Variants in FAT4 observed in about 807,000 individuals in gnomAD.
FAT4 encodes the protein protocadherin Fat 4.
In FAT4, 84 loss-of-function variants were observed where a neutral mutation model predicts 303.9. That is an observed-to-expected ratio of 0.28 (90% CI 0.23 to 0.33). The LOEUF is 0.33. FAT4 is among the 10% of genes least tolerant of loss of function. The probability of loss-of-function intolerance (pLI) is 1.00; values close to 1 mark genes in which losing one functional copy is unlikely to be tolerated. For missense variants in FAT4, 6,005 were observed against 6,146.8 expected (o/e 0.98, Z 0.77); for synonymous variants, 2,307 against 2,298.8 (o/e 1.00, Z -0.10).
chr4:125,355,605 G>C lies in FAT4; in HGVS notation c.5175+34019G>C, dbSNP rs76445287. 2.7e-3 allele frequency among the ~76,000 whole-genome samples: 404 copies of C among 152,152 alleles called. 3 individuals carry two copies. The highest frequency in any genetic ancestry group is 8.8e-3 in the African/African-American group (364 of 41,540). ...TATGTTTGGGGTTTTGTAAAGATTA[G>C]AGAATGTAATTTATGCATGGTACAC... On this transcript the variant is annotated intron_variant, in intron 2 of 17. Transcript: ENST00000394329.
chr4:125,344,244 C>G (rs1216419047), intron 2 of FAT4, among the ~76,000 whole-genome samples: 1 of 152,118 alleles, frequency 6.6e-6, no homozygotes. Flanking sequence ...CTTGATTCCC[C>G]TTTTCTGTGG....
intron 3 of FAT4, among the ~76,000 whole-genome samples, chr4:125,402,325 G>GT (rs1466066195): frequency 1.3e-5 from 2 of 151,832 alleles, no homozygotes; most frequent in Non-Finnish European, 2.9e-5. Flanking sequence ...TGAATTGAAT[G>GT]TAGCTACTTC....
chr4:125,324,241 C>T (rs1401596388), intron 2 of FAT4, among the ~76,000 whole-genome samples: 1 of 151,956 alleles, frequency 6.6e-6, no homozygotes, highest in Non-Finnish European at 1.5e-5. Flanking sequence ...TCTAGGTTCA[C>T]CAAAAAATAG....
Position 125,455,802 on chromosome 4 carries a change from G to T in FAT4, c.11800+2992G>T, listed in dbSNP as rs1427163959. ...TATTAATACTTAATCCTCACAGAAA[G>T]CCTATAAGACAGTGTATTGTCTGAG... On this transcript the variant is annotated intron_variant, in intron 10 of 17. Transcript: ENST00000394329. Among the ~76,000 whole-genome samples, 4 of 152,286 alleles carry T rather than the reference G, an allele frequency of 2.6e-5. No individual in the cohort carries two copies. In the East Asian group the frequency reaches 7.7e-4, roughly 29 times the overall value.
chr4:125,365,758 C>T lies in FAT4; in HGVS notation c.5176-33026C>T, dbSNP rs140900454. On this transcript the variant is annotated intron_variant, in intron 2 of 17. Transcript: ENST00000394329. ...CTAAAACTAGTATGGGAAACAGAAA[C>T]GCCTTGAATATAACTAAATTAGAAT... Among the ~76,000 whole-genome samples the T allele has an allele frequency of 3.9e-3, 597 of 152,230 alleles. 5 individuals are homozygous for T. The highest frequency in any genetic ancestry group is 0.014 in the African/African-American group (569 of 41,534).
rs777422356 is a variant in FAT4, at chr4:125,317,995, T to A, written c.1584T>A (p.His528Gln). 63 of 1,614,048 alleles carry A rather than the reference T, an allele frequency of 3.9e-5. No homozygotes were observed. Among genetic ancestry groups the A allele is most frequent in the Non-Finnish European group, 5.1e-5 (60 of 1,180,040 alleles). Residue 528 changes from histidine (H) to glutamine (Q), a missense_variant, in exon 2 of 18, where the codon CAT (histidine) becomes CAA (glutamine). His to Gln is a conservative substitution (Grantham distance 24). Coordinates refer to ENST00000394329, the MANE Select transcript of FAT4 (RefSeq NM_001291303.3). This position sits in a 1 kb window ranked among gnomAD's most constrained non-coding sequence, Gnocchi z 7.0. ...TGGGATGGTTCCATATCAGTGAACA[T>A]AGCGGCCTCGTGACCACTGGGTCCT... ...NGLGWFHISE[H>Q]SGLVTTGSSG...
intron 14 of FAT4, among the ~76,000 whole-genome samples, chr4:125,477,893 AT>A (rs1343907721): frequency 6.6e-6 from 1 of 152,140 alleles, no homozygotes; most frequent in Non-Finnish European, 1.5e-5. Context: ...TTTGTTCATT[AT>A]CGAAGTTTGA....
chr4:125,435,360 G>A (rs1431289774), intron 8 of FAT4, among the ~76,000 whole-genome samples: 1 of 152,084 alleles, frequency 6.6e-6, no homozygotes, highest in Non-Finnish European at 1.5e-5. Context: ...TCTATAGGCT[G>A]GTATTAGGTA....
intron 15 of FAT4, among the ~76,000 whole-genome samples, chr4:125,480,412 A>G (rs1277694659): frequency 1.3e-5 from 2 of 152,108 alleles, no homozygotes; most frequent in African/African-American, 2.4e-5. Context: ...TAATGTTATT[A>G]TTTAGACATT....
chr4:125,380,476 A>G (rs1733498233), intron 2 of FAT4, among the ~76,000 whole-genome samples: 1 of 152,218 alleles, frequency 6.6e-6, no homozygotes, highest in Non-Finnish European at 1.5e-5. Context: ...TATGTAATCC[A>G]TACAATATTA....
chr4:125,464,073 T>C (rs1379482180), intron 11 of FAT4, among the ~76,000 whole-genome samples: 2 of 152,162 alleles, frequency 1.3e-5, no homozygotes, highest in Non-Finnish European at 2.9e-5. Context: ...TTTTGCTTTA[T>C]TTTTTATTTT....
intron 5 of FAT4, among the ~76,000 whole-genome samples, chr4:125,411,955 C>T (rs1234146653): frequency 6.6e-6 from 1 of 151,374 alleles, no homozygotes; most frequent in African/African-American, 2.4e-5. Flanking sequence ...ACATTGAACA[C>T]AAATGGTTCA....
At position 125,452,263 on chromosome 4, in the gene FAT4, A is replaced by G; in HGVS notation, c.11253A>G (p.Gln3751=). ...SQLTGLGTAV[Q]LYSAYEENNR... is the part of the protein sequence containing the mutation. ...TGACAGGCTTAGGGACTGCTGTGCA[A>G]CTGTACAGTGCATATGAAGAGAACA... The change falls in exon 10 of 18, where the codon CAA becomes CAG. Residue 3751 remains glutamine, a synonymous_variant. Transcript: ENST00000394329. 1 of 1,614,236 alleles carries G rather than the reference A, an allele frequency of 6.2e-7. No homozygotes were observed. Among genetic ancestry groups the G allele is most frequent in the Non-Finnish European group, 8.5e-7 (1 of 1,180,038 alleles).
chr4:125,438,269 T>C (rs369408579), intron 8 of FAT4, among the ~76,000 whole-genome samples: 1 of 152,196 alleles, frequency 6.6e-6, no homozygotes, highest in African/African-American at 2.4e-5. Flanking sequence ...ATAAAGTAAA[T>C]GCTGTGATGA....
At position 125,476,099 on chromosome 4, in the gene FAT4, G is replaced by A. The variant is rs35472819; in HGVS notation, c.12214-72G>A. Reference sequence around the variant, plus strand: ...ATGTTCACATAGAAGCAAGTCATGGGTAGTGTTGGCTGGAAAGGCTAATAG... The same window carrying A: ...ATGTTCACATAGAAGCAAGTCATGGATAGTGTTGGCTGGAAAGGCTAATAG... On this transcript the variant is annotated intron_variant, in intron 12 of 17. Transcript: ENST00000394329. 0.025 allele frequency: 19,772 copies of A among 777,506 alleles called. 464 individuals are homozygous for A. Among genetic ancestry groups the A allele is most frequent in the Non-Finnish European group, 0.027 (12,692 of 464,174 alleles). The allele number at this position is 777,506 out of a possible 1,614,324, so 48.2% of individuals were successfully genotyped here. A position where few individuals can be genotyped will look rare whatever the true frequency, so the allele number is the denominator to read the frequency against.
intron 8 of FAT4, among the ~76,000 whole-genome samples, chr4:125,445,662 C>G (rs550899568): frequency 6.6e-6 from 1 of 151,958 alleles, no homozygotes; most frequent in Admixed American, 6.6e-5. Flanking sequence ...AACTCTTGCC[C>G]GTTAACCTAT....
intron 2 of FAT4, among the ~76,000 whole-genome samples, chr4:125,394,356 A>G (rs932466643): frequency 3.3e-5 from 5 of 152,222 alleles, no homozygotes; most frequent in Non-Finnish European, 5.9e-5. Context: ...TTTTACCTCC[A>G]GTCTAAACAA....
chr4:125,356,862 A>T (rs951422164), intron 2 of FAT4, among the ~76,000 whole-genome samples: 2 of 151,510 alleles, frequency 1.3e-5, no homozygotes, highest in Non-Finnish European at 2.9e-5. Context: ...CAATAGATAC[A>T]GACTATAAGT....
chr4:125,339,838 G>C (rs1346475061), intron 2 of FAT4, among the ~76,000 whole-genome samples: 2 of 151,956 alleles, frequency 1.3e-5, no homozygotes, highest in African/African-American at 4.8e-5. Context: ...TTTAATAGTA[G>C]TTTCTGATAA....
Sources: allele counts gnomAD v4.1 joint callset (sites outside exome capture counted in the v4.1 genomes callset), GRCh38; gene constraint gnomAD v4.1.1; non-coding constraint Gnocchi (gnomAD v3.1); transcripts MANE v1.5; gene names NCBI Gene and HGNC (gene_info 2026-07-23, HGNC 2026-07-21).